Variants in MED12L observed in about 807,000 individuals in gnomAD.
The protein encoded by MED12L is mediator of RNA polymerase II transcription subunit 12-like protein.
In MED12L, 60 loss-of-function variants were observed where a neutral mutation model predicts 281.3. The ratio of observed to expected loss-of-function variants is 0.21; its 90% confidence interval spans 0.17 to 0.26. The LOEUF is 0.26. Ranked by LOEUF, MED12L falls within the 10% of genes least tolerant of loss-of-function variation. The pLI, the probability that MED12L is intolerant of heterozygous loss-of-function variation, is 1.00. For synonymous variants in MED12L, 974 were observed against 987.2 expected (o/e 0.99, Z 0.25); for missense variants, 2,146 against 2,680.9 (o/e 0.80, Z 4.41).
At chr3:151,350,517 T>C (rs1309242560) in intron 17 of MED12L, among the ~76,000 whole-genome samples, 1 of 152,164 alleles carries the variant, frequency 6.6e-6, no homozygotes, top group Non-Finnish European at 1.5e-5. Context: ...ATAGTAGTAA[T>C]AAATGAAGTA....
chr3:151,149,567 G>A (rs551793246), intron 5 of MED12L, among the ~76,000 whole-genome samples: 1 of 152,154 alleles, frequency 6.6e-6, no homozygotes, highest in Non-Finnish European at 1.5e-5. Flanking sequence ...CTAGGTGGTG[G>A]CTGCTGGAGG....
chr3:151,396,334 AATAACGCCTAGGGCC>A (rs1389023249), intron 39 of MED12L, among the ~76,000 whole-genome samples: 11 of 152,228 alleles, frequency 7.2e-5, no homozygotes, highest in Non-Finnish European at 1.3e-4. Flanking sequence ...CTTTCAAAGT[AATAACGCCTAGGGCC>A]AGGCGTGGTG....
intron 16 of MED12L, chr3:151,329,554 G>A (rs1445606642): frequency 6.6e-7 from 1 of 1,521,230 alleles, no homozygotes; most frequent in South Asian, 1.2e-5. Flanking sequence ...ATGAGCATGT[G>A]AAGCAAATGT....
At chr3:151,374,479 C>T (rs1488191949) in intron 27 of MED12L, among the ~76,000 whole-genome samples, 3 of 152,184 alleles carry the variant, frequency 2.0e-5, no homozygotes, top group East Asian at 1.9e-4. Context: ...AACTGGGAGG[C>T]GGAGGTTGCA....
intron 16 of MED12L, among the ~76,000 whole-genome samples, chr3:151,291,148 CTGTTTTTTTTTTTTTT>C (rs1281722036): frequency 4.5e-5 from 2 of 44,408 alleles, no homozygotes; most frequent in East Asian, 7.2e-4. Context: ...TCCTTGTTTT[CTGTTTTTTTTTTTTTT>C]TGTTTTTATT....
Position 151,117,516 on chromosome 3 carries a change from C to T in MED12L, c.204+1074C>T, listed in dbSNP as rs143590357. On this transcript the variant is annotated intron_variant, in intron 3 of 44. Coordinates refer to ENST00000687756, the MANE Select transcript of MED12L (RefSeq NM_001393769.1). ...CTGCAGGGTATTTCCCCTGCTTTTT[C>T]GTATTCCGTTTTTAGGTCTCCCTTC... Among the ~76,000 whole-genome samples, 771 of 152,188 alleles carry T rather than the reference C, an allele frequency of 5.1e-3. 4 individuals carry two copies. The highest frequency in any genetic ancestry group is 0.016 in the South Asian group (75 of 4,822).
At chr3:151,229,215 T>G (rs1030367399) in intron 16 of MED12L, among the ~76,000 whole-genome samples, 1 of 152,200 alleles carries the variant, frequency 6.6e-6, no homozygotes, top group African/African-American at 2.4e-5. Flanking sequence ...TGTTGTATGT[T>G]TCCTCCCTGT....
chr3:151,159,555 TTTTATGTTGATTACCTGTTGA>T (rs1446257313), intron 7 of MED12L, among the ~76,000 whole-genome samples: 1 of 152,200 alleles, frequency 6.6e-6, no homozygotes, highest in African/African-American at 2.4e-5. Context: ...TAGTAATACT[TTTTATGTTGATTACCTGTTGA>T]AATGATAACA....
intron 27 of MED12L, 41 bp from the exon 28 acceptor site, chr3:151,375,985 A>G (rs1756810179): frequency 8.1e-7 from 1 of 1,232,598 alleles, no homozygotes; most frequent in Non-Finnish European, 1.1e-6. Flanking sequence ...ATATATACCG[A>G]AAGCCAGTGC....
chr3:151,310,836 CT>C (rs1560013217), intron 16 of MED12L, among the ~76,000 whole-genome samples: 1 of 151,968 alleles, frequency 6.6e-6, no homozygotes, highest in African/African-American at 2.4e-5. Flanking sequence ...GGAAGGAGAG[CT>C]TAGTTGGCTT....
intron 39 of MED12L, among the ~76,000 whole-genome samples, chr3:151,405,001 C>A (rs896956546): frequency 1.3e-5 from 2 of 152,136 alleles, no homozygotes; most frequent in African/African-American, 4.8e-5. Context: ...TAAAACTTAT[C>A]GGATGCATTC....
chr3:151,310,772 TTTG>T (rs978593234), intron 16 of MED12L, among the ~76,000 whole-genome samples: 3 of 152,220 alleles, frequency 2.0e-5, no homozygotes, highest in African/African-American at 7.2e-5. Context: ...ACACCTTATT[TTTG>T]TTGTTGTTGG....
At chr3:151,272,230 G>C (rs1371633733) in intron 16 of MED12L, among the ~76,000 whole-genome samples, 9 of 152,216 alleles carry the variant, frequency 5.9e-5, no homozygotes, top group Non-Finnish European at 2.9e-5. Context: ...ATGCAAAGAG[G>C]TAAATGTTTT....
chr3:151,230,129 C>G (rs1251666829), intron 16 of MED12L, among the ~76,000 whole-genome samples: 1 of 152,138 alleles, frequency 6.6e-6, no homozygotes, highest in Non-Finnish European at 1.5e-5. Context: ...GCCACCACGC[C>G]TGGCTAATTT....
chr3:151,390,124 C>G lies in MED12L; in HGVS notation c.5597C>G (p.Ser1866Cys), dbSNP rs367692964. The change falls in exon 38 of 45, where the codon TCT becomes TGT. Residue 1866 changes from serine to cysteine, a missense_variant. Transcript: ENST00000687756. ...QQPGFFLQNQ[S>C]LTPGGSRLDP... ...CCCGGCTTTTTCCTTCAGAACCAAT[C>G]TCTTACTCCAGGTATGTGATGAGAA... 6.2e-6 allele frequency: 10 copies of G among 1,613,944 alleles called. No individual in the cohort carries two copies. The highest frequency in any genetic ancestry group is 8.5e-6 in the Non-Finnish European group (10 of 1,179,940).
At chr3:151,089,081 C>T (rs1199385220) in intron 2 of MED12L, among the ~76,000 whole-genome samples, 5 of 152,118 alleles carry the variant, frequency 3.3e-5, no homozygotes, top group Non-Finnish European at 4.4e-5. Flanking sequence ...ACCCCTGTAC[C>T]ACCTGTACTT....
intron 16 of MED12L, among the ~76,000 whole-genome samples, chr3:151,248,621 C>CT (rs1736227989): frequency 6.6e-6 from 1 of 152,016 alleles, no homozygotes; most frequent in African/African-American, 2.4e-5. Flanking sequence ...TTCCTAATGC[C>CT]TAATGTACAA....
chr3:151,294,996 C>G, intron 16 of MED12L: 1 of 1,613,704 alleles, frequency 6.2e-7, no homozygotes, highest in Non-Finnish European at 8.5e-7. Flanking sequence ...TCTGCAACCA[C>G]TATGTTTTTG....
chr3:151,165,420 G>A lies in MED12L; in HGVS notation c.1258G>A (p.Val420Ile). The change falls in exon 10 of 45, where the codon GTT becomes ATT. Residue 420 changes from valine to isoleucine, a missense_variant and splice_region_variant. Val to Ile is a conservative substitution (Grantham distance 29). Around this residue, in one of 9 missense-constraint regions of MED12L, gnomAD observed 722 missense variants for 861.2 expected, o/e 0.84. Transcript: ENST00000687756. ...TTAATTAGAAGCGATTATCTTTCAG[G>A]TTCGGGCAAGGATTTATGAAGTAGA... is the stretch of plus-strand genomic sequence containing the variant. The part of the protein sequence containing the change: ...PGGNTAFNQQ[V>I]RARIYEVEQQ... 1 of 1,613,192 alleles carries A rather than the reference G, an allele frequency of 6.2e-7. No individual in the cohort carries two copies. The highest frequency in any genetic ancestry group is 8.5e-7 in the Non-Finnish European group (1 of 1,179,258).
Sources: allele counts gnomAD v4.1 joint callset (sites outside exome capture counted in the v4.1 genomes callset), GRCh38; gene constraint gnomAD v4.1.1; regional missense constraint gnomAD v4.1.1; transcripts MANE v1.5; gene names NCBI Gene and HGNC (gene_info 2026-07-23, HGNC 2026-07-21).